ODF2L: variants seen among roughly 807,000 people sequenced by gnomAD.
ODF2L encodes the protein outer dense fiber of sperm tails 2 like, also known as protein BCAP.
ODF2L carries 76 observed loss-of-function variants against 86.3 expected under a neutral mutation model. That is an observed-to-expected ratio of 0.88 (90% CI 0.73 to 1.07). ODF2L has a LOEUF of 1.07. ODF2L is among the 50% of genes least tolerant of loss of function. The pLI, the probability that ODF2L is intolerant of heterozygous loss-of-function variation, is 0.00. For missense variants in ODF2L, 748 were observed against 717.4 expected, an observed-to-expected ratio of 1.04 and a Z score of -0.49; for synonymous variants, 241 against 231.3, an observed-to-expected ratio of 1.04 and a Z score of -0.38.
exon 17 of ODF2L, chr1:86,352,923 T>A (rs1473320666): frequency 6.5e-7 from 1 of 1,545,384 alleles, no homozygotes; most frequent in East Asian, 2.3e-5. Flanking sequence ...AGTTTCCAGA[T>A]CTAATATTTT....
chr1:86,382,420 A>AT, intron 6 of ODF2L, 62 bp from the exon 7 acceptor site: 1 of 1,583,580 alleles, frequency 6.3e-7, no homozygotes, highest in Non-Finnish European at 8.5e-7. Context: ...CCCCAGCCCA[A>AT]TATCTTTAAT....
At chr1:86,370,528 G>T (rs1053542754) in intron 10 of ODF2L, among the ~76,000 whole-genome samples, 5 of 152,086 alleles carry the variant, frequency 3.3e-5, no homozygotes, top group Admixed American at 6.6e-5. Context: ...CCATCTGGTT[G>T]TATGTATCTC....
exon 10 of ODF2L, chr1:86,371,049 T>C (rs1460702107): frequency 6.3e-7 from 1 of 1,575,456 alleles, no homozygotes; most frequent in African/African-American, 1.4e-5. Flanking sequence ...ATTCAGAGTT[T>C]CATTTTCATA....
chr1:86,354,528 A>C lies in ODF2L; in HGVS notation c.1767+2T>G. ...AAGTTTCTAAATAAAGGCCATGCAT[A>C]CCTTTTGTCTTCCTTCTTCTAAAGC... On this transcript the variant is annotated splice_donor_variant, in intron 16 of 17. Coordinates refer to ENST00000317336, the Ensembl canonical transcript of ODF2L. LOFTEE classifies it high-confidence loss of function. The C allele has an allele frequency of 6.3e-7, 1 of 1,578,074 alleles. No individual in the cohort carries two copies. Among genetic ancestry groups the C allele is most frequent in the Non-Finnish European group, 8.6e-7 (1 of 1,159,606 alleles).
At chr1:86,386,817 A>G (rs77774500) in intron 2 of ODF2L, 98 bp downstream of exon 2, 11,574 of 607,054 alleles carry the variant, frequency 0.019, 166 homozygotes, top group Non-Finnish European at 0.028. Flanking sequence ...GATACTCTTA[A>G]AAGAATGCTG....
At chr1:86,355,498 C>G in intron 14 of ODF2L, 2 of 610,744 alleles carry the variant, frequency 3.3e-6, no homozygotes, top group South Asian at 4.0e-5. Flanking sequence ...AAAATCTCTT[C>G]TCAGGAATTT....
chr1:86,371,192 A>C (rs763442637), intron 9 of ODF2L, 39 bp from the exon 10 acceptor site: 5 of 1,185,934 alleles, frequency 4.2e-6, no homozygotes, highest in African/African-American at 1.6e-5. Flanking sequence ...AAAGTCATAA[A>C]AATTTTTATT....
At chr1:86,365,466 A>C (rs1659340144) in intron 11 of ODF2L, among the ~76,000 whole-genome samples, 1 of 152,190 alleles carries the variant, frequency 6.6e-6, no homozygotes, top group Non-Finnish European at 1.5e-5. Flanking sequence ...AAGTAAGTGT[A>C]ATGAAATTCT....
intron 1 of ODF2L, among the ~76,000 whole-genome samples, chr1:86,393,336 C>G (rs562272977): frequency 6.6e-6 from 1 of 151,442 alleles, no homozygotes; most frequent in East Asian, 1.9e-4. Context: ...TTTTTTCCCC[C>G]TACTATTCTG....
intron 11 of ODF2L, among the ~76,000 whole-genome samples, chr1:86,363,381 T>C (rs1276732482): frequency 6.6e-6 from 1 of 152,162 alleles, no homozygotes; most frequent in East Asian, 1.9e-4. Flanking sequence ...AGCACATAGA[T>C]GGTATGTAAA....
intron 3 of ODF2L, among the ~76,000 whole-genome samples, chr1:86,385,088 A>C (rs1270491853): frequency 6.6e-6 from 1 of 151,950 alleles, no homozygotes; most frequent in African/African-American, 2.4e-5. Context: ...TTAAACTTTA[A>C]TATGCTGAAA....
At chr1:86,368,850 T>C in intron 10 of ODF2L, 1 of 712,358 alleles carries the variant, frequency 1.4e-6, no homozygotes, top group Non-Finnish European at 2.0e-6. Context: ...CACTTCTACG[T>C]TGACTATATA....
intron 11 of ODF2L, among the ~76,000 whole-genome samples, chr1:86,366,391 T>TACTCAC (rs1659418899): frequency 8.4e-6 from 1 of 119,298 alleles, no homozygotes; most frequent in African/African-American, 3.3e-5. Context: ...AGACCCCACC[T>TACTCAC]ACACACACAC....
chr1:86,347,899 C>A (rs1392953058), downstream of ODF2L: 3 of 152,128 alleles, frequency 2.0e-5, no homozygotes, highest in African/African-American at 7.2e-5. Context: ...TCAACTTGGA[C>A]AACTTTATCC....
At chr1:86,361,212 C>G (rs1231464876) in intron 11 of ODF2L, among the ~76,000 whole-genome samples, 1 of 152,150 alleles carries the variant, frequency 6.6e-6, no homozygotes, top group Non-Finnish European at 1.5e-5. Flanking sequence ...AGGTCAGAGA[C>G]AGGGGACTTA....
intron 8 of ODF2L, among the ~76,000 whole-genome samples, chr1:86,374,653 A>G (rs1660044982): frequency 6.6e-6 from 1 of 152,114 alleles, no homozygotes; most frequent in African/African-American, 2.4e-5. Context: ...CTCTCCTTAT[A>G]ACATGCAGAT....
At chr1:86,357,396 C>T (rs272499) in intron 13 of ODF2L, among the ~76,000 whole-genome samples, 111,191 of 150,516 alleles carry the variant, frequency 0.74, 41,938 homozygotes, top group African/African-American at 0.89. Context: ...ATTTGGAAGA[C>T]AGACAGGGAA....
chr1:86,355,462 T>G (rs1558006090), intron 14 of ODF2L: 36 of 756,744 alleles, frequency 4.8e-5, no homozygotes, highest in Non-Finnish European at 8.1e-5. Flanking sequence ...TTTAGGCTAA[T>G]CTATGTCGTT....
intron 10 of ODF2L, among the ~76,000 whole-genome samples, chr1:86,370,450 G>C (rs1176119139): frequency 6.6e-6 from 1 of 151,994 alleles, no homozygotes; most frequent in Non-Finnish European, 1.5e-5. Context: ...GTTCTTTTCT[G>C]TCTTCTATTT....
Sources: allele counts gnomAD v4.1 joint callset (sites outside exome capture counted in the v4.1 genomes callset), GRCh38; gene constraint gnomAD v4.1.1; transcripts MANE v1.5; gene names NCBI Gene and HGNC (gene_info 2026-07-23, HGNC 2026-07-21).